The following CDKL4 variants were observed in gnomAD, a reference collection of about 807,000 sequenced individuals.
The protein encoded by CDKL4 is cyclin-dependent kinase-like 4.
In CDKL4, 44 loss-of-function variants were observed where a neutral mutation model predicts 42.0. The observed-to-expected ratio is 1.05, with a 90% confidence interval of 0.82 to 1.35. The LOEUF is 1.35. Ranked by LOEUF, CDKL4 falls within the 40% of genes most tolerant of loss-of-function variation. The pLI, the probability that CDKL4 is intolerant of heterozygous loss-of-function variation, is 0.00. For synonymous variants in CDKL4, 120 were observed against 121.6 expected (o/e 0.99, Z 0.09); for missense variants, 393 against 369.9 (o/e 1.06, Z -0.51).
At chr2:39,188,814 C>T (rs536413562) in intron 6 of CDKL4, among the ~76,000 whole-genome samples, 77 of 152,080 alleles carry the variant, frequency 5.1e-4, no homozygotes, top group African/African-American at 1.8e-3. Flanking sequence ...CTTAGCCTCC[C>T]GAGTAGCTGG....
downstream of CDKL4, among the ~76,000 whole-genome samples, chr2:39,173,999 T>C (rs1465182163): frequency 6.0e-5 from 9 of 150,582 alleles, no homozygotes; most frequent in Non-Finnish European, 4.4e-5. Context: ...AAGCAAGAAA[T>C]ATACAAATCT....
chr2:39,242,071 G>C (rs1679690760), intron 1 of CDKL4, among the ~76,000 whole-genome samples: 1 of 150,882 alleles, frequency 6.6e-6, no homozygotes, highest in South Asian at 2.1e-4. Context: ...ACTGAGACAG[G>C]GTCTCGCTCT....
At chr2:39,233,726 C>G (rs549031484) in intron 1 of CDKL4, among the ~76,000 whole-genome samples, 1 of 146,424 alleles carries the variant, frequency 6.8e-6, no homozygotes, top group Non-Finnish European at 1.5e-5. Context: ...AAATCATTTA[C>G]AAAAAAAAAC....
Position 39,194,521 on chromosome 2 carries a change from T to C in CDKL4, c.455-4019A>G, listed in dbSNP as rs372255997. 4.6e-5 allele frequency among the ~76,000 whole-genome samples: 7 copies of C among 152,256 alleles called. No homozygotes were observed. In the East Asian group the frequency reaches 9.7e-4, roughly 21 times the overall value. ...AACAGAAAATACTCTGCCAGCTTCA[T>C]TGGTGAAGAGTAGTATTTTAATGTG... On this transcript the variant is annotated intron_variant, in intron 5 of 9. Transcript: ENST00000451199.
chr2:39,225,948 G>C (rs777977186), exon 3 of CDKL4: 2 of 1,609,174 alleles, frequency 1.2e-6, no homozygotes, highest in South Asian at 2.2e-5. Flanking sequence ...ACAAGATTTG[G>C]ATGTTTTAAT....
the CDKL4 span, among the ~76,000 whole-genome samples, chr2:39,170,052 CAG>C: frequency 6.6e-6 from 1 of 151,912 alleles, no homozygotes; most frequent in Non-Finnish European, 1.5e-5. Context: ...GTGGTAGAGA[CAG>C]AGTTTTGACA....
intron 5 of CDKL4, among the ~76,000 whole-genome samples, chr2:39,197,536 C>G (rs1676591015): frequency 6.6e-6 from 1 of 152,092 alleles, no homozygotes; most frequent in African/African-American, 2.4e-5. Flanking sequence ...GGCACATAGG[C>G]ATCAGGTTAT....
intron 1 of CDKL4, among the ~76,000 whole-genome samples, chr2:39,239,689 T>C (rs976703379): frequency 2.0e-5 from 3 of 152,210 alleles, no homozygotes; most frequent in Non-Finnish European, 4.4e-5. Flanking sequence ...ATCCAAAGAC[T>C]GACAATATCA....
intron 5 of CDKL4, 38 bp from the exon 6 acceptor site, chr2:39,190,540 C>T: frequency 6.3e-7 from 1 of 1,577,838 alleles, no homozygotes; most frequent in African/African-American, 1.3e-5. Flanking sequence ...AGTCAATTCT[C>T]CCAACATGTG....
chr2:39,230,729 A>G (rs1679046076), intron 1 of CDKL4, among the ~76,000 whole-genome samples: 1 of 152,232 alleles, frequency 6.6e-6, no homozygotes, highest in South Asian at 2.1e-4. Context: ...ATGGCACTTA[A>G]CATTGTTCTA....
intron 2 of CDKL4, among the ~76,000 whole-genome samples, chr2:39,226,875 T>A (rs1162415364): frequency 6.6e-6 from 1 of 152,030 alleles, no homozygotes; most frequent in Non-Finnish European, 1.5e-5. Context: ...CAAGTGATGC[T>A]CATGCCTTAG....
chr2:39,217,731 TATTTATTTATTTA>T, intron 3 of CDKL4, among the ~76,000 whole-genome samples: 1 of 148,038 alleles, frequency 6.8e-6, no homozygotes, highest in South Asian at 2.1e-4. Flanking sequence ...TTTATTTATT[TATTTATTTATTTA>T]TTTTTTGAGA....
At chr2:39,209,931 AG>A in intron 4 of CDKL4, among the ~76,000 whole-genome samples, 1 of 152,308 alleles carries the variant, frequency 6.6e-6, no homozygotes, top group East Asian at 1.9e-4. Flanking sequence ...AGATACACAA[AG>A]GCTTACCATA....
At chr2:39,225,948 G>T in exon 3 of CDKL4, 1 of 1,609,174 alleles carries the variant, frequency 6.2e-7, no homozygotes, top group South Asian at 1.1e-5. Flanking sequence ...ACAAGATTTG[G>T]ATGTTTTAAT....
In CDKL4 at chr2:39,190,517, A is replaced by T. The variant is rs745454815; in HGVS notation, c.455-15T>A. ...ATCTCCTGGAACTGCAAATGCATCA[A>T]TCAGATCAGGTAAGTCAATTCTCCC... On this transcript the variant is annotated splice_polypyrimidine_tract_variant and intron_variant, in intron 5 of 9. Transcript: ENST00000451199. The T allele has an allele frequency of 1.2e-6, 2 of 1,612,690 alleles. No homozygotes were observed. The highest frequency in any genetic ancestry group is 1.7e-6 in the Non-Finnish European group (2 of 1,178,736).
At chr2:39,230,773 T>A (rs887558516) in intron 1 of CDKL4, among the ~76,000 whole-genome samples, 7 of 152,236 alleles carry the variant, frequency 4.6e-5, no homozygotes, top group African/African-American at 1.7e-4. Context: ...AAATATTCTA[T>A]GAAGTAGGTG....
At chr2:39,175,030 G>A (rs1221177850), downstream of CDKL4, among the ~76,000 whole-genome samples, 1 of 152,008 alleles carries the variant, frequency 6.6e-6, no homozygotes, top group Non-Finnish European at 1.5e-5. Context: ...TTATTGAGGG[G>A]TTTGCTTTGC....
At chr2:39,170,120 T>C in the CDKL4 span, among the ~76,000 whole-genome samples, 2 of 151,978 alleles carry the variant, frequency 1.3e-5, no homozygotes, top group Non-Finnish European at 2.9e-5. Flanking sequence ...TGCCTCGGCC[T>C]CCCAAAGTGC....
chr2:39,197,875 A>ATATATTTCAAATATAT lies in CDKL4; in HGVS notation c.454+6651_454+6652insATATATTTGAAATATA, dbSNP rs1253191593. ...GAAACAAATATTTGAAATACACCAA[A>ATATATTTCAAATATAT]ATAGAATCTCCTTAAAGCATAAATC... On this transcript the variant is annotated intron_variant, in intron 5 of 9. Transcript: ENST00000451199. Among the ~76,000 whole-genome samples, 1,095 of 152,268 alleles carry ATATATTTCAAATATAT rather than the reference A, an allele frequency of 7.2e-3. 10 individuals are homozygous for ATATATTTCAAATATAT. The highest frequency in any genetic ancestry group is 0.025 in the African/African-American group (1,046 of 41,532).
Sources: allele counts gnomAD v4.1 joint callset (sites outside exome capture counted in the v4.1 genomes callset), GRCh38; gene constraint gnomAD v4.1.1; transcripts MANE v1.5; gene names NCBI Gene and HGNC (gene_info 2026-07-23, HGNC 2026-07-21).